CTSL: variants seen among roughly 807,000 people sequenced by gnomAD.
CTSL encodes cathepsin L.
Under a neutral mutation model 34.7 loss-of-function variants are expected in CTSL, and 23 were observed. That is an observed-to-expected ratio of 0.66 (90% CI 0.48 to 0.94). CTSL has a LOEUF of 0.94. Among genes scored for constraint, CTSL ranks in the 40% least tolerant of loss-of-function variants. The pLI is 0.00. For missense variants in CTSL, 361 were observed against 406.3 expected (o/e 0.89, Z 0.96); for synonymous variants, 129 against 136.7 (o/e 0.94, Z 0.39).
chr9:87,727,100 TATCTC>T (rs1447561456), intron 1 of CTSL, among the ~76,000 whole-genome samples: 2 of 151,994 alleles, frequency 1.3e-5, no homozygotes, highest in East Asian at 1.9e-4. Context: ...TTGGAAAACT[TATCTC>T]AGCTTTTGGT....
chr9:87,730,998 C>CT lies in CTSL; in HGVS notation c.903-4dup. 3 of 1,612,608 alleles carry CT rather than the reference C, an allele frequency of 1.9e-6. No individual in the cohort carries two copies. Among genetic ancestry groups the CT allele is most frequent in the South Asian group, 1.1e-5 (1 of 90,992 alleles). On this transcript the variant is annotated splice_polypyrimidine_tract_variant and intron_variant, in intron 7 of 7. Coordinates refer to ENST00000343150, the MANE Select transcript of CTSL (RefSeq NM_001912.5). ...CTTTCTCTGAAATGGAAAACCTGCT[C>CT]TTTTTTCAGCTGGGGTGAAGAATGG...
chr9:87,729,076 C>A, intron 5 of CTSL: 1 of 879,268 alleles, frequency 1.1e-6, no homozygotes, highest in Non-Finnish European at 1.7e-6. Context: ...GTGGTCCCAG[C>A]TATGCTGAGG....
At chr9:87,728,890 A>G in intron 5 of CTSL, 81 bp downstream of exon 5, 1 of 1,591,978 alleles carries the variant, frequency 6.3e-7, no homozygotes, top group Non-Finnish European at 8.6e-7. Flanking sequence ...CCTTTTTCGG[A>G]ATTCATATAT....
rs1826132246 is a variant in CTSL at position 87,728,586 on chromosome 9, G to T, written c.398G>T (p.Gly133Val). 6.2e-7 allele frequency: 1 copy of T among 1,613,032 alleles called. No individual in the cohort carries two copies. The highest frequency in any genetic ancestry group is 8.5e-7 in the Non-Finnish European group (1 of 1,179,474). The change falls in exon 5 of 8, where the codon GGT (glycine) becomes GTT (valine). Residue 133 changes from glycine to valine, a missense_variant and splice_region_variant. Gly to Val is a moderately radical substitution (Grantham distance 109). Transcript: ENST00000343150. ...AGCTTTTTTTAATTCCCTTTTCAGG[G>T]TCAGTGTGGTTCTTGTTGGGCTTTT... Reference protein sequence around the residue: ...KGYVTPVKNQGQCGSCWAFSA... With the variant: ...KGYVTPVKNQVQCGSCWAFSA...
chr9:87,728,570 T>C lies in CTSL; in HGVS notation c.397-15T>C. On this transcript the variant is annotated splice_polypyrimidine_tract_variant and intron_variant, in intron 4 of 7. Coordinates refer to ENST00000343150, the MANE Select transcript of CTSL (RefSeq NM_001912.5). ...TTTTTTTGTGGATGACAGCTTTTTT[T>C]AATTCCCTTTTCAGGGTCAGTGTGG... 1 of 1,599,470 alleles carries C rather than the reference T, an allele frequency of 6.3e-7. No homozygotes were observed. The highest frequency in any genetic ancestry group is 1.1e-5 in the South Asian group (1 of 88,452).
Position 87,727,648 on chromosome 9 carries a change from C to T in CTSL, c.45C>T (p.Ala15=). 1 of 1,614,038 alleles carries T rather than the reference C, an allele frequency of 6.2e-7. No individual in the cohort carries two copies. Among genetic ancestry groups the T allele is most frequent in the Non-Finnish European group, 8.5e-7 (1 of 1,180,014 alleles). Reference sequence around the variant, plus strand: ...TTGCTGCCTTTTGCCTGGGAATTGCCTCAGCTACTCTAACATTTGATCACA... The same window carrying T: ...TTGCTGCCTTTTGCCTGGGAATTGCTTCAGCTACTCTAACATTTGATCACA... ...LILAAFCLGI[A]SATLTFDHSL... is the part of the protein sequence containing the mutation. The change falls in exon 2 of 8, where the codon GCC becomes GCT. Residue 15 remains alanine (A), a synonymous_variant. Coordinates refer to ENST00000343150, the MANE Select transcript of CTSL (RefSeq NM_001912.5).
intron 4 of CTSL, 29 bp downstream of exon 4, chr9:87,728,425 A>G (rs1354331369): frequency 3.1e-6 from 5 of 1,602,656 alleles, no homozygotes; most frequent in Middle Eastern, 1.7e-4. Flanking sequence ...CAGACCTCCC[A>G]TCTTCCCAGG....
intron 5 of CTSL, chr9:87,729,068 G>A: frequency 1.1e-6 from 1 of 951,194 alleles, no homozygotes; most frequent in Non-Finnish European, 1.5e-6. Context: ...GTGCGTCTGT[G>A]GTCCCAGCTA....
chr9:87,728,909 G>T, intron 5 of CTSL, 100 bp downstream of exon 5: 1 of 1,554,042 alleles, frequency 6.4e-7, no homozygotes, highest in East Asian at 2.4e-5. Flanking sequence ...ATTAGGGCTG[G>T]GTGGGGTGGC....
chr9:87,730,203 TC>T (rs989757866), intron 6 of CTSL, among the ~76,000 whole-genome samples, 177 bp from the exon 7 acceptor site: 2 of 152,220 alleles, frequency 1.3e-5, no homozygotes, highest in African/African-American at 4.8e-5. Context: ...GATTTCTATT[TC>T]TGCTAGTTGT....
rs776980049 is a variant in CTSL, at chr9:87,728,164, G to C, written c.249+15G>C. 2.5e-6 allele frequency: 4 copies of C among 1,614,130 alleles called. No individual in the cohort carries two copies. Among genetic ancestry groups the C allele is most frequent in the Non-Finnish European group, 3.4e-6 (4 of 1,180,054 alleles). ...TTGGAGACATGGTAAGTGTGCTGTG[G>C]ACTGCCGAGCTCTGTGCTTCCTCTC... On this transcript the variant is annotated intron_variant, in intron 3 of 7. Coordinates refer to ENST00000343150, the MANE Select transcript of CTSL (RefSeq NM_001912.5).
intron 1 of CTSL, among the ~76,000 whole-genome samples, chr9:87,726,607 G>A (rs1385165728): frequency 6.6e-6 from 1 of 152,252 alleles, no homozygotes; most frequent in Non-Finnish European, 1.5e-5. Flanking sequence ...CTGGCTTCCC[G>A]CGTGCGGCCA....
At chr9:87,727,840 C>A in intron 2 of CTSL, 111 bp downstream of exon 2, 1 of 1,438,340 alleles carries the variant, frequency 7.0e-7, no homozygotes, top group Non-Finnish European at 9.6e-7. Context: ...AACCTAATGG[C>A]GTGGATTATG....
Position 87,728,292 on chromosome 9 carries a change from C to A in CTSL, c.292C>A (p.Arg98Ser), listed in dbSNP as rs780766917. Residue 98 changes from arginine to serine, a missense_variant, in exon 4 of 8, where the codon CGT becomes AGT. By Grantham distance (110) the Arg-to-Ser change is moderately radical. Coordinates refer to ENST00000343150, the MANE Select transcript of CTSL (RefSeq NM_001912.5). ...FRQVMNGFQN[R>S]KPRKGKVFQE... The stretch of plus-strand genomic sequence containing the variant: ...GCAGGTGATGAATGGCTTTCAAAAC[C>A]GTAAGCCCAGGAAGGGGAAAGTGTT... 1 of 1,614,120 alleles carries A rather than the reference C, an allele frequency of 6.2e-7. No homozygotes were observed. Among genetic ancestry groups the A allele is most frequent in the East Asian group, 2.2e-5 (1 of 44,872 alleles).
At chr9:87,728,190 T>G (rs1328595280) in intron 3 of CTSL, 41 bp downstream of exon 3, 2 of 1,614,110 alleles carry the variant, frequency 1.2e-6, no homozygotes, top group Admixed American at 1.7e-5. Flanking sequence ...GCTTCCTCTC[T>G]TCGGTTCTTT....
At chr9:87,727,444 C>T (rs180723621) in intron 1 of CTSL, 150 bp from the exon 2 acceptor site, 952 of 813,810 alleles carry the variant, frequency 1.2e-3, no homozygotes, top group Non-Finnish European at 1.5e-3. Flanking sequence ...CCAGGCACAT[C>T]CTTGGCCTCT....
chr9:87,729,713 GT>G lies in CTSL; in HGVS notation c.763del (p.Ser255ProfsTer44), dbSNP rs753501523. On this transcript the variant is annotated frameshift_variant, in exon 6 of 8. Coordinates refer to ENST00000343150, the MANE Select transcript of CTSL (RefSeq NM_001912.5). LOFTEE classifies it high-confidence loss of function. ...CTGTTGCTATTGATGCAGGTCATGAGTCCTTCCTGTTCTATAAAGAAGGTAA... is the reference window on the plus strand; with the variant it reads ...CTGTTGCTATTGATGCAGGTCATGAGCCTTCCTGTTCTATAAAGAAGGTAA... The part of the protein sequence containing the change: ...ISVAIDAGHE[S>X]FLFYKEGIYF... The G allele has an allele frequency of 6.2e-7, 1 of 1,611,560 alleles. No individual in the cohort carries two copies. The highest frequency in any genetic ancestry group is 8.5e-7 in the Non-Finnish European group (1 of 1,179,456).
At chr9:87,727,554 G>C in intron 1 of CTSL, 40 bp from the exon 2 acceptor site, 2 of 1,600,384 alleles carry the variant, frequency 1.2e-6, no homozygotes, top group Non-Finnish European at 1.7e-6. Flanking sequence ...GGCTTTTTAG[G>C]ATTGGTCTAA....
chr9:87,727,928 C>G lies in CTSL; in HGVS notation c.127-99C>G, dbSNP rs1826089400. On this transcript the variant is annotated intron_variant, in intron 2 of 7. Coordinates refer to ENST00000343150, the MANE Select transcript of CTSL (RefSeq NM_001912.5). ...CCCAGAGGTGTCAAGCCTTCCCTTG[C>G]CATGGTTTCTCTTCCATCTCTGTCT... The G allele has an allele frequency of 5.2e-6, 8 of 1,552,768 alleles. No individual in the cohort carries two copies. The East Asian group carries it at 1.3e-4, about 26-fold the overall frequency.
Sources: allele counts gnomAD v4.1 joint callset (sites outside exome capture counted in the v4.1 genomes callset), GRCh38; gene constraint gnomAD v4.1.1; transcripts MANE v1.5; gene names NCBI Gene and HGNC (gene_info 2026-07-23, HGNC 2026-07-21).